TRHDE: variants seen among roughly 807,000 people sequenced by gnomAD.
The protein encoded by TRHDE is thyrotropin-releasing hormone-degrading ectoenzyme.
In TRHDE, 72 loss-of-function variants were observed where a neutral mutation model predicts 125.7. The observed-to-expected ratio is 0.57, with a 90% CI of 0.47 to 0.70. The LOEUF (loss-of-function observed/expected upper bound fraction) is 0.70, where lower values mean the gene tolerates loss of function less well. TRHDE is among the 30% of genes least tolerant of loss of function. The probability of loss-of-function intolerance (pLI) is 0.00; values close to 1 mark genes in which losing one functional copy is unlikely to be tolerated. For missense variants in TRHDE, 1,110 were observed against 1,327.1 expected (o/e 0.84, Z 2.54); for synonymous variants, 509 against 509.1 (o/e 1.00, Z 0.00).
rs1203257145 is a variant in TRHDE at position 72,385,947 on chromosome 12, A to AT, written c.1315+7827dup. Among the ~76,000 whole-genome samples, 17 of 152,272 alleles carry AT rather than the reference A, an allele frequency of 1.1e-4. 1 individual carries two copies. The Middle Eastern group carries it at 0.01, about 91-fold the overall frequency. On this transcript the variant is annotated intron_variant, in intron 3 of 18. Transcript: ENST00000261180. Reference sequence around the variant, plus strand: ...ACTATTTAATGCAATACAAACCAACATACAAGTGAATTAATGGAACCAGCG... The same window carrying AT: ...ACTATTTAATGCAATACAAACCAACATTACAAGTGAATTAATGGAACCAGCG...
chr12:72,137,530 A>G (rs560179877), intron 2 of TRHDE: 1 of 152,322 alleles, frequency 6.6e-6, no homozygotes, highest in South Asian at 2.1e-4. Flanking sequence ...TAATGATTGC[A>G]GAGAGGAATA....
intron 2 of TRHDE, among the ~76,000 whole-genome samples, chr12:72,201,004 G>A (rs757198192): frequency 3.9e-5 from 6 of 152,152 alleles, no homozygotes; most frequent in Non-Finnish European, 7.4e-5. Context: ...AATAGAGGTA[G>A]CAGCAGGTAA....
intron 15 of TRHDE, among the ~76,000 whole-genome samples, chr12:72,629,259 C>G (rs1873380020): frequency 6.6e-6 from 1 of 151,686 alleles, no homozygotes; most frequent in Non-Finnish European, 1.5e-5. Context: ...ATATTACTAG[C>G]CATGCATAGA....
intron 2 of TRHDE, among the ~76,000 whole-genome samples, chr12:72,288,969 G>T (rs539633371): frequency 6.6e-6 from 1 of 152,100 alleles, no homozygotes; most frequent in Non-Finnish European, 1.5e-5. Flanking sequence ...CAAAATTGCC[G>T]TTGGGAGCTC....
At chr12:72,159,573 G>A (rs1456606065) in intron 2 of TRHDE, among the ~76,000 whole-genome samples, 1 of 152,094 alleles carries the variant, frequency 6.6e-6, no homozygotes, top group Non-Finnish European at 1.5e-5. Context: ...CTATATGTAG[G>A]GATTTTCAAA....
chr12:72,632,557 C>A (rs950607122), intron 15 of TRHDE, among the ~76,000 whole-genome samples: 3 of 151,844 alleles, frequency 2.0e-5, no homozygotes, highest in African/African-American at 7.3e-5. Context: ...ATATTGGCAG[C>A]CTGCTGTTCA....
intron 2 of TRHDE, chr12:72,256,868 C>T (rs1878826516): frequency 6.6e-6 from 1 of 152,214 alleles, no homozygotes; most frequent in Admixed American, 6.5e-5. Flanking sequence ...ATGAAGCTTA[C>T]TGAGAATGGC....
At chr12:72,401,902 T>A (rs1565728223) in intron 3 of TRHDE, among the ~76,000 whole-genome samples, 1 of 152,206 alleles carries the variant, frequency 6.6e-6, no homozygotes, top group Admixed American at 6.5e-5. Context: ...CACTTTAAAA[T>A]GTTTTTGGTA....
chr12:72,245,289 C>T (rs1313014881), intron 2 of TRHDE, among the ~76,000 whole-genome samples: 1 of 150,698 alleles, frequency 6.6e-6, no homozygotes, highest in Non-Finnish European at 1.5e-5. Context: ...AGGTCTATCT[C>T]TCCATCTCTT....
chr12:72,519,201 A>G (rs1337771584), intron 6 of TRHDE, among the ~76,000 whole-genome samples: 1 of 152,084 alleles, frequency 6.6e-6, no homozygotes, highest in South Asian at 2.1e-4. Flanking sequence ...CTGCCTTGCT[A>G]GGTTGGGGAA....
chr12:72,336,241 C>T (rs1469607275), intron 2 of TRHDE, among the ~76,000 whole-genome samples: 1 of 152,180 alleles, frequency 6.6e-6, no homozygotes, highest in Non-Finnish European at 1.5e-5. Flanking sequence ...AAAACCTGTG[C>T]TGCACACTGT....
intron 3 of TRHDE, among the ~76,000 whole-genome samples, chr12:72,393,632 T>C (rs1367503551): frequency 6.6e-6 from 1 of 152,170 alleles, no homozygotes; most frequent in African/African-American, 2.4e-5. Flanking sequence ...ACTGAAGATA[T>C]GAGATGAAGA....
chr12:72,566,346 T>C (rs998922463), intron 9 of TRHDE, among the ~76,000 whole-genome samples: 1 of 151,756 alleles, frequency 6.6e-6, no homozygotes, highest in Non-Finnish European at 1.5e-5. Context: ...AAAAAATGCC[T>C]CAAAGTTTGT....
intron 12 of TRHDE, among the ~76,000 whole-genome samples, chr12:72,587,028 C>T (rs1944078949): frequency 6.6e-6 from 1 of 152,066 alleles, no homozygotes; most frequent in African/African-American, 2.4e-5. Context: ...GTGTTGCATT[C>T]CCAGTGTGCA....
chr12:72,480,169 T>C (rs1877100766), intron 5 of TRHDE, among the ~76,000 whole-genome samples: 1 of 151,860 alleles, frequency 6.6e-6, no homozygotes, highest in Non-Finnish European at 1.5e-5. Context: ...GTCCTTTGGG[T>C]ATATACCCAG....
chr12:72,644,149 C>A (rs1874182356), intron 15 of TRHDE, among the ~76,000 whole-genome samples: 1 of 152,128 alleles, frequency 6.6e-6, no homozygotes, highest in Admixed American at 6.5e-5. Flanking sequence ...TGAAATGTTC[C>A]TGTATCATTA....
intron 2 of TRHDE, among the ~76,000 whole-genome samples, chr12:72,110,276 C>T (rs116262190): frequency 0.028 from 4,335 of 152,190 alleles, 113 homozygotes; most frequent in African/African-American, 0.063. Context: ...CACCTTTTAT[C>T]TGTAGAGTGC....
At chr12:72,340,841 G>A (rs1277271602) in intron 2 of TRHDE, among the ~76,000 whole-genome samples, 2 of 152,056 alleles carry the variant, frequency 1.3e-5, no homozygotes, top group African/African-American at 2.4e-5. Flanking sequence ...TATTATAAAG[G>A]ACTACATATG....
rs371217612 is a variant in TRHDE at position 72,215,399 on chromosome 12, G to A, written n.279+109647G>A. Among the ~76,000 whole-genome samples, 19 of 152,288 alleles carry A rather than the reference G, an allele frequency of 1.2e-4. No homozygotes were observed. In the East Asian group the frequency reaches 2.1e-3, roughly 17 times the overall value. On this transcript the variant is annotated intron_variant and non_coding_transcript_variant, in intron 2 of 4. Coordinates refer to the TRHDE transcript ENST00000548156. ...TTCAGTTACTTCAGGCCATCTGGGC[G>A]TATATGTGCAGGTCACAGGGGATGC...
Sources: allele counts gnomAD v4.1 joint callset (sites outside exome capture counted in the v4.1 genomes callset), GRCh38; gene constraint gnomAD v4.1.1; transcripts MANE v1.5; gene names NCBI Gene and HGNC (gene_info 2026-07-23, HGNC 2026-07-21).